The following NBEAL1 variants were observed in gnomAD, a reference collection of about 807,000 sequenced individuals.
NBEAL1 encodes the protein neurobeachin like 1.
Under a neutral mutation model 351.3 loss-of-function variants are expected in NBEAL1, and 273 were observed. That is an observed-to-expected ratio of 0.78 (90% CI 0.70 to 0.86). The LOEUF is 0.86. Ranked by LOEUF, NBEAL1 falls within the 40% of genes least tolerant of loss-of-function variation. The probability of loss-of-function intolerance (pLI) is 0.00; values close to 1 mark genes in which losing one functional copy is unlikely to be tolerated. For synonymous variants in NBEAL1, 1,050 were observed against 1,086.4 expected, an observed-to-expected ratio of 0.97 and a Z score of 0.66; for missense variants, 2,961 against 3,201.3, an observed-to-expected ratio of 0.92 and a Z score of 1.81.
At position 203,136,264 on chromosome 2, in the gene NBEAL1, T is replaced by G; in HGVS notation, c.4389+12T>G. 1 of 1,526,008 alleles carries G rather than the reference T, an allele frequency of 6.6e-7. No homozygotes were observed. The highest frequency in any genetic ancestry group is 8.8e-7 in the Non-Finnish European group (1 of 1,136,268). 94.5% of individuals were successfully genotyped at this position (1,526,008 alleles called of 1,614,324 possible). ...TTGAAAGCCAAGAGGTAAAATTGCTTATTTTTCCAAATGTTGTTTTTATTT... is the reference window on the plus strand; with the variant it reads ...TTGAAAGCCAAGAGGTAAAATTGCTGATTTTTCCAAATGTTGTTTTTATTT... On this transcript the variant is annotated intron_variant, in intron 28 of 55. Transcript: ENST00000683969.
intron 7 of NBEAL1, among the ~76,000 whole-genome samples, chr2:203,076,140 C>T (rs1363664009): frequency 6.6e-6 from 1 of 151,910 alleles, no homozygotes; most frequent in Non-Finnish European, 1.5e-5. Context: ...TGGTGTATGC[C>T]CTCTAGTCAT....
At chr2:203,032,038 T>C (rs1211765683) in intron 2 of NBEAL1, among the ~76,000 whole-genome samples, 2 of 152,212 alleles carry the variant, frequency 1.3e-5, no homozygotes, top group African/African-American at 4.8e-5. Flanking sequence ...TTTGATTGCT[T>C]ACTCCGGGGG....
At chr2:203,174,998 T>C (rs777361991) in intron 41 of NBEAL1, 149 bp from the exon 42 acceptor site, 4 of 636,096 alleles carry the variant, frequency 6.3e-6, no homozygotes, top group Non-Finnish European at 1.0e-5. Flanking sequence ...TAGTATGGTA[T>C]AATGATATGA....
chr2:203,125,329 A>G, intron 19 of NBEAL1, 23 bp from the exon 20 acceptor site: 1 of 1,436,462 alleles, frequency 7.0e-7, no homozygotes, highest in Non-Finnish European at 9.2e-7. Flanking sequence ...TATAAGATTT[A>G]AACATTATAA....
intron 18 of NBEAL1, among the ~76,000 whole-genome samples, chr2:203,120,022 C>G (rs933613235): frequency 2.0e-5 from 3 of 151,978 alleles, no homozygotes; most frequent in African/African-American, 7.3e-5. Context: ...TATACCCTTA[C>G]AATACAAAGA....
Position 203,193,900 on chromosome 2 carries a change from T to C in NBEAL1, c.7027T>C (p.Phe2343Leu). Residue 2343 changes from phenylalanine (F) to leucine (L), a missense_variant, in exon 47 of 56, where the codon TTT (phenylalanine) becomes CTT (leucine). By Grantham distance (22) the Phe-to-Leu change is conservative. Transcript: ENST00000683969. ...TCAACACCTTCCTGAACTCAAGTCA[T>C]TTTTTATAGAGGTAATATCCTACTT... ...LFQHLPELKS[F>L]FIEGISDGIP... The C allele has an allele frequency of 6.3e-7, 1 of 1,593,488 alleles. No individual in the cohort carries two copies. The highest frequency in any genetic ancestry group is 8.6e-7 in the Non-Finnish European group (1 of 1,163,086).
Position 203,112,057 on chromosome 2 carries a change from C to T in NBEAL1, c.2161C>T (p.Gln721Ter). 1 of 1,552,560 alleles carries T rather than the reference C, an allele frequency of 6.4e-7. No individual in the cohort carries two copies. Among genetic ancestry groups the T allele is most frequent in the Non-Finnish European group, 8.7e-7 (1 of 1,147,182 alleles). ...CGTCTATATCTATGACAATGGACAA[C>T]AGAAGGTTTCTGCCCCTCTCAGATT... ...SFVYIYDNGQ[Q>*]KVSAPLRFPA... Residue 721 changes from glutamine (Q) to a stop codon, truncating the protein, a stop_gained, in exon 16 of 56, where the codon CAG becomes TAG. Transcript: ENST00000683969. LOFTEE classifies it high-confidence loss of function.
intron 53 of NBEAL1, among the ~76,000 whole-genome samples, chr2:203,210,176 A>C (rs1416440205): frequency 6.6e-6 from 1 of 151,406 alleles, no homozygotes; most frequent in Non-Finnish European, 1.5e-5. Flanking sequence ...CAGCCTGGCC[A>C]ACATGGTGAA....
intron 47 of NBEAL1, among the ~76,000 whole-genome samples, chr2:203,196,470 G>A (rs975527130): frequency 6.6e-6 from 1 of 152,240 alleles, no homozygotes; most frequent in Admixed American, 6.5e-5. Flanking sequence ...AGTAGAGATA[G>A]TAGTGAAAGC....
At chr2:203,138,492 T>C (rs2063279331) in intron 30 of NBEAL1, 128 bp from the exon 31 acceptor site, 1 of 1,107,178 alleles carries the variant, frequency 9.0e-7, no homozygotes, top group Non-Finnish European at 1.3e-6. Context: ...TTCTTTTGGC[T>C]TTTGTCAACT....
At chr2:203,030,241 C>T (rs1194653510) in intron 2 of NBEAL1, among the ~76,000 whole-genome samples, 1 of 152,104 alleles carries the variant, frequency 6.6e-6, no homozygotes, top group African/African-American at 2.4e-5. Flanking sequence ...ATCTTAAAAG[C>T]ATTGAAAAAC....
At chr2:203,130,850 G>A (rs190176949) in intron 25 of NBEAL1, among the ~76,000 whole-genome samples, 176 of 152,218 alleles carry the variant, frequency 1.2e-3, no homozygotes, top group African/African-American at 4.1e-3. Context: ...GGCTTACTTA[G>A]TCTTGCAATA....
intron 39 of NBEAL1, among the ~76,000 whole-genome samples, chr2:203,170,576 G>A (rs1003964169): frequency 6.6e-6 from 1 of 152,116 alleles, no homozygotes; most frequent in Non-Finnish European, 1.5e-5. Context: ...AAGGAAAGCC[G>A]TTGTTTTTGG....
intron 35 of NBEAL1, 79 bp from the exon 36 acceptor site, chr2:203,157,620 A>G (rs530995630): frequency 1.9e-6 from 2 of 1,072,278 alleles, no homozygotes; most frequent in Admixed American, 2.8e-5. Context: ...CAGGAACACA[A>G]TTAGCAGTCA....
At chr2:203,025,008 C>T (rs1196441963) in intron 2 of NBEAL1, among the ~76,000 whole-genome samples, 1 of 152,132 alleles carries the variant, frequency 6.6e-6, no homozygotes, top group East Asian at 1.9e-4. Flanking sequence ...AAAATTACTA[C>T]CAAACTGCTA....
intron 2 of NBEAL1, among the ~76,000 whole-genome samples, chr2:203,018,272 CT>C (rs34841735): frequency 1.4e-5 from 2 of 146,810 alleles, no homozygotes; most frequent in African/African-American, 2.5e-5. Context: ...ACTTTTAAGG[CT>C]TTTTTTTTTC....
intron 49 of NBEAL1, among the ~76,000 whole-genome samples, chr2:203,199,681 A>G (rs953433935): frequency 2.0e-5 from 3 of 151,700 alleles, no homozygotes; most frequent in African/African-American, 4.8e-5. Context: ...GAGTTTCACC[A>G]TGTTGGCCAG....
chr2:203,069,284 T>C (rs1342678400), intron 7 of NBEAL1, among the ~76,000 whole-genome samples: 2 of 152,214 alleles, frequency 1.3e-5, no homozygotes, highest in Admixed American at 6.5e-5. Flanking sequence ...CTTTGATTGC[T>C]TGCTGAAGAT....
At chr2:203,018,363 C>G (rs182800763) in intron 2 of NBEAL1, among the ~76,000 whole-genome samples, 6 of 151,688 alleles carry the variant, frequency 4.0e-5, no homozygotes, top group African/African-American at 4.8e-5. Flanking sequence ...GTTTCAAAAG[C>G]TTCTTAGACC....
Sources: allele counts gnomAD v4.1 joint callset (sites outside exome capture counted in the v4.1 genomes callset), GRCh38; gene constraint gnomAD v4.1.1; transcripts MANE v1.5; gene names NCBI Gene and HGNC (gene_info 2026-07-23, HGNC 2026-07-21).